ACOT9: variants seen among roughly 807,000 people sequenced by gnomAD.
ACOT9 encodes acyl-coenzyme A thioesterase 9, mitochondrial.
Under a neutral mutation model 39.7 loss-of-function variants are expected in ACOT9, and 34 were observed. That is an observed-to-expected ratio of 0.86 (90% CI 0.65 to 1.14). The LOEUF is 1.14. ACOT9 is among the 50% of genes most tolerant of loss of function. The pLI is 0.00. For synonymous variants in ACOT9, 110 were observed against 120.5 expected (o/e 0.91, Z 0.57); for missense variants, 313 against 344.1 (o/e 0.91, Z 0.71).
At chrX:23,724,642 G>A (rs932590985) in intron 6 of ACOT9, among the ~76,000 whole-genome samples, 1 of 111,147 alleles carries the variant, frequency 9.0e-6, no homozygotes, top group African/African-American at 3.3e-5. Flanking sequence ...GCATGGTGGC[G>A]TGTGCCTGTG....
chrX:23,738,567 T>C (rs1034691307), intron 1 of ACOT9, among the ~76,000 whole-genome samples: 1 of 110,962 alleles, frequency 9.0e-6, no homozygotes, highest in African/African-American at 3.3e-5. Flanking sequence ...AATGGCCCCA[T>C]TGCATTCCAG....
In ACOT9 at chrX:23,733,182, T is replaced by C; in HGVS notation, c.181A>G (p.Thr61Ala). ...AACAAAGATGCATACCTCCAGTTTG[T>C]GGATGCTCCTACTATCTCCCGCAAC... ...DKLREIVGAS[T>A]NWRDHVKAME... The change falls in exon 4 of 16, where the codon ACA (threonine) becomes GCA (alanine). Residue 61 changes from threonine (T) to alanine (A), a missense_variant. Transcript: ENST00000379303. The C allele has an allele frequency of 8.3e-7, 1 of 1,210,045 alleles. No homozygotes were observed. Among genetic ancestry groups the C allele is most frequent in the East Asian group, 3.0e-5 (1 of 33,840 alleles).
At chrX:23,724,083 CAG>C (rs1402705918) in intron 6 of ACOT9, among the ~76,000 whole-genome samples, 2 of 109,549 alleles carry the variant, frequency 1.8e-5, no homozygotes, top group Non-Finnish European at 3.8e-5. Context: ...GGCAACACAG[CAG>C]AGACTCCATC....
rs1251780076 is a variant in ACOT9 at position 23,701,185 on chromosome X, G to C, written c.*2709C>G. On this transcript the variant is annotated 3_prime_UTR_variant, in exon 16 of 16. Transcript: ENST00000379303. ...ATAATCTATACAATAGCATGCAGTAGGTCTCTTAACTCCACTTAACACATT... is the reference window on the plus strand; with the variant it reads ...ATAATCTATACAATAGCATGCAGTACGTCTCTTAACTCCACTTAACACATT... Among the ~76,000 whole-genome samples the C allele has an allele frequency of 9.0e-6, 1 of 111,649 alleles. No homozygotes were observed. Among genetic ancestry groups the C allele is most frequent in the African/African-American group, 3.3e-5 (1 of 30,751 alleles).
At chrX:23,705,626 A>G in intron 12 of ACOT9, 32 bp from the exon 13 acceptor site, 2 of 1,174,148 alleles carry the variant, frequency 1.7e-6, no homozygotes, top group Non-Finnish European at 2.3e-6. Context: ...CAATAAATAC[A>G]AAACTTATGG....
intron 2 of ACOT9, among the ~76,000 whole-genome samples, chrX:23,735,715 A>G (rs928066628): frequency 8.9e-6 from 1 of 111,816 alleles, no homozygotes. Flanking sequence ...TCCCAGGAAC[A>G]ATAGTTCAAA....
intron 1 of ACOT9, among the ~76,000 whole-genome samples, chrX:23,740,836 C>T (rs957534671): frequency 1.8e-5 from 2 of 109,819 alleles, no homozygotes; most frequent in Middle Eastern, 9.3e-3. Flanking sequence ...GGGTTACTGG[C>T]TTATCTCCTG....
intron 14 of ACOT9, 61 bp from the exon 15 acceptor site, chrX:23,704,905 T>A: frequency 8.5e-7 from 1 of 1,179,997 alleles, no homozygotes; most frequent in Non-Finnish European, 1.1e-6. Context: ...AAGGCAGTCA[T>A]AAGAGAAAAC....
chrX:23,727,499 G>C (rs939387786), intron 6 of ACOT9, among the ~76,000 whole-genome samples: 2 of 108,244 alleles, frequency 1.8e-5, no homozygotes, highest in Non-Finnish European at 1.9e-5. Flanking sequence ...CTAATTTTTT[G>C]GGTTTTGTAG....
At chrX:23,704,337 ATT>A (rs749027257) in intron 15 of ACOT9, among the ~76,000 whole-genome samples, 97 of 88,702 alleles carry the variant, frequency 1.1e-3, no homozygotes, top group African/African-American at 4.0e-3. Context: ...TGCCCGGCTA[ATT>A]TTTTTTTTTT....
At chrX:23,725,589 G>C (rs1353781759) in intron 6 of ACOT9, among the ~76,000 whole-genome samples, 1 of 110,395 alleles carries the variant, frequency 9.1e-6, no homozygotes, top group African/African-American at 3.3e-5. Flanking sequence ...AGGCCGAGGT[G>C]GGGGGATCCC....
chrX:23,713,762 T>G (rs1358925366), intron 8 of ACOT9, among the ~76,000 whole-genome samples: 1 of 110,280 alleles, frequency 9.1e-6, no homozygotes, highest in Non-Finnish European at 1.9e-5. Flanking sequence ...CTGGGCATGG[T>G]ACCTCATGCC....
rs1245507002 is a variant in ACOT9 at position 23,706,702 on chromosome X, C to T, written c.768G>A (p.Ser256=). ...KGRRIAFSST[S]LLKMAPSAEE... ...CAGCGCTGGGGGCCATTTTCAGTAACGACGTGGAGCTGAAGGCAATTCTTC... is the reference window on the plus strand; with the variant it reads ...CAGCGCTGGGGGCCATTTTCAGTAATGACGTGGAGCTGAAGGCAATTCTTC... Residue 256 remains serine, a synonymous_variant, in exon 11 of 16, where the codon TCG becomes TCA. Transcript: ENST00000379303. The T allele has an allele frequency of 4.1e-6, 5 of 1,205,059 alleles. No homozygotes were observed. Among genetic ancestry groups the T allele is most frequent in the South Asian group, 3.5e-5 (2 of 56,351 alleles).
chrX:23,707,790 G>A, intron 10 of ACOT9, 87 bp downstream of exon 10: 3 of 647,302 alleles, frequency 4.6e-6, no homozygotes, highest in Non-Finnish European at 6.9e-6. Flanking sequence ...CTGGTATGAA[G>A]AGCCCATATA....
At chrX:23,730,281 C>T (rs1001645214) in intron 6 of ACOT9, among the ~76,000 whole-genome samples, 2 of 108,234 alleles carry the variant, frequency 1.8e-5, no homozygotes, top group South Asian at 4.2e-4. Context: ...TTAGTAGAGA[C>T]GGGGTTTCTC....
chrX:23,723,747 A>T (rs1449802554), intron 6 of ACOT9, among the ~76,000 whole-genome samples: 2 of 111,181 alleles, frequency 1.8e-5, no homozygotes, highest in Non-Finnish European at 3.8e-5. Flanking sequence ...AAATCCTTCC[A>T]TCTATGCACC....
At chrX:23,734,432 G>T in intron 2 of ACOT9, 65 bp from the exon 3 acceptor site, 1 of 949,880 alleles carries the variant, frequency 1.1e-6, no homozygotes, top group Non-Finnish European at 1.5e-6. Flanking sequence ...AGATAAATCT[G>T]TAGTATTTCA....
At chrX:23,713,023 A>T (rs1173543206) in intron 9 of ACOT9, 112 bp downstream of exon 9, 26 of 590,614 alleles carry the variant, frequency 4.4e-5, no homozygotes. Context: ...ATTGCAATTA[A>T]AACTGTTACG....
At chrX:23,742,565 T>C (rs905499301) in intron 1 of ACOT9, among the ~76,000 whole-genome samples, 54 of 111,076 alleles carry the variant, frequency 4.9e-4, no homozygotes, top group African/African-American at 1.7e-3. Flanking sequence ...CAGCCTCTTA[T>C]AAGGGCTTTG....
Sources: allele counts gnomAD v4.1 joint callset (sites outside exome capture counted in the v4.1 genomes callset), GRCh38; gene constraint gnomAD v4.1.1; transcripts MANE v1.5; gene names NCBI Gene and HGNC (gene_info 2026-07-23, HGNC 2026-07-21).